The following RAI14 variants were observed in gnomAD, a reference collection of about 807,000 sequenced individuals.
The protein encoded by RAI14 is retinoic acid induced 14.
A neutral mutation model predicts 115.4 loss-of-function variants in RAI14; 45 were observed. That is an observed-to-expected ratio of 0.39 (90% CI 0.31 to 0.50). RAI14 has a LOEUF of 0.50. Ranked by LOEUF, RAI14 falls within the 20% of genes least tolerant of loss-of-function variation. The pLI is 0.85. For missense variants in RAI14, 939 were observed against 1,131.2 expected (o/e 0.83, Z 2.44); for synonymous variants, 371 against 415.4 (o/e 0.89, Z 1.30).
At chr5:34,742,026 G>C (rs1461513653) in intron 2 of RAI14, among the ~76,000 whole-genome samples, 1 of 152,158 alleles carries the variant, frequency 6.6e-6, no homozygotes, top group Non-Finnish European at 1.5e-5. Context: ...AAATTGGACT[G>C]AATAAGAGGA....
intron 1 of RAI14, among the ~76,000 whole-genome samples, chr5:34,671,150 A>AT (rs1441431398): frequency 6.6e-6 from 1 of 152,184 alleles, no homozygotes; most frequent in Non-Finnish European, 1.5e-5. Context: ...ACGTAGCCCC[A>AT]TGGGTGCACC....
Position 34,734,684 on chromosome 5 carries a change from CAG to C in RAI14, c.37-22781_37-22780del, listed in dbSNP as rs1409501488. The stretch of plus-strand genomic sequence containing the variant: ...TTTATTCTTTCTTTTTTTTTTTTGA[CAG>C]AGTCTTGCTCTGTTGCGTAGGCTGG... On this transcript the variant is annotated intron_variant, in intron 2 of 17. Coordinates refer to ENST00000265109, the MANE Select transcript of RAI14 (RefSeq NM_015577.3). 6.6e-5 allele frequency among the ~76,000 whole-genome samples: 10 copies of C among 150,600 alleles called. 1 individual carries two copies. The South Asian group carries it at 1.9e-3, about 29-fold the overall frequency.
At chr5:34,770,562 G>A (rs1268518324) in intron 3 of RAI14, among the ~76,000 whole-genome samples, 2 of 152,198 alleles carry the variant, frequency 1.3e-5, no homozygotes, top group African/African-American at 2.4e-5. Flanking sequence ...AATAAACCTG[G>A]AGAAGGAAGC....
chr5:34,788,176 C>T (rs914413963), intron 3 of RAI14, among the ~76,000 whole-genome samples: 1 of 151,988 alleles, frequency 6.6e-6, no homozygotes, highest in Non-Finnish European at 1.5e-5. Context: ...TCCTCCGCCT[C>T]CCAAAGTGCT....
At chr5:34,748,976 A>G (rs964959523) in intron 2 of RAI14, among the ~76,000 whole-genome samples, 12 of 152,314 alleles carry the variant, frequency 7.9e-5, no homozygotes, top group African/African-American at 2.4e-4. Flanking sequence ...ACATATCCGT[A>G]AGTACTGGTG....
At chr5:34,690,109 C>G (rs1738384005) in intron 2 of RAI14, among the ~76,000 whole-genome samples, 1 of 152,032 alleles carries the variant, frequency 6.6e-6, no homozygotes, top group South Asian at 2.1e-4. Flanking sequence ...CAATGTATGC[C>G]TTTGATTTTG....
At position 34,829,785 on chromosome 5, in the gene RAI14, G is replaced by A. The variant is rs1448818977; in HGVS notation, c.2853G>A (p.Leu951=). 1 of 1,611,412 alleles carries A rather than the reference G, an allele frequency of 6.2e-7. No homozygotes were observed. Among genetic ancestry groups the A allele is most frequent in the Non-Finnish European group, 8.5e-7 (1 of 1,178,390 alleles). The change falls in exon 17 of 18, where the codon CTG becomes CTA. Residue 951 remains leucine (L), a synonymous_variant. Coordinates refer to ENST00000265109, the MANE Select transcript of RAI14 (RefSeq NM_015577.3). ...TATCAGTTTACAGAATGCATCTTCT[G>A]TATGCTGTGCAGGTATGGTTATGCC... The part of the protein sequence containing the change: ...EVISVYRMHL[L]YAVQGQMDED...
chr5:34,764,164 A>G (rs1313974471), intron 3 of RAI14, among the ~76,000 whole-genome samples: 1 of 152,122 alleles, frequency 6.6e-6, no homozygotes, highest in Non-Finnish European at 1.5e-5. Flanking sequence ...ACCCTAAATT[A>G]AAACAGGAAC....
intron 17 of RAI14, 82 bp downstream of exon 17, chr5:34,829,879 A>G: frequency 1.7e-6 from 2 of 1,148,520 alleles, no homozygotes; most frequent in Non-Finnish European, 1.3e-6. Flanking sequence ...TCATTTAACT[A>G]GGAGAATGAA....
intron 2 of RAI14, among the ~76,000 whole-genome samples, chr5:34,721,297 A>G (rs1371783848): frequency 2.0e-4 from 13 of 64,374 alleles, no homozygotes; most frequent in African/African-American, 2.9e-4. Flanking sequence ...ATGTGTATAT[A>G]TATATATATA....
intron 2 of RAI14, among the ~76,000 whole-genome samples, chr5:34,755,962 G>A (rs899300297): frequency 1.3e-5 from 2 of 152,184 alleles, no homozygotes; most frequent in Non-Finnish European, 2.9e-5. Context: ...TCAAGTTCAC[G>A]CAGCCCAGAG....
chr5:34,681,764 G>A (rs191260445), intron 1 of RAI14, among the ~76,000 whole-genome samples: 1 of 151,894 alleles, frequency 6.6e-6, no homozygotes, highest in East Asian at 1.9e-4. Flanking sequence ...CTCCCAAAAT[G>A]TTGGGATTAC....
chr5:34,766,940 A>T (rs1749460148), intron 3 of RAI14, among the ~76,000 whole-genome samples: 1 of 151,950 alleles, frequency 6.6e-6, no homozygotes, highest in Non-Finnish European at 1.5e-5. Context: ...GTCTCACGAG[A>T]TCTGATGGTT....
intron 3 of RAI14, among the ~76,000 whole-genome samples, chr5:34,781,920 A>G (rs145522486): frequency 6.6e-6 from 1 of 152,354 alleles, no homozygotes; most frequent in East Asian, 1.9e-4. Context: ...AGATTTACCC[A>G]CATATTTATT....
intron 2 of RAI14, among the ~76,000 whole-genome samples, chr5:34,744,329 T>G (rs996213853): frequency 6.6e-6 from 1 of 152,228 alleles, no homozygotes; most frequent in African/African-American, 2.4e-5. Context: ...ATGAACATGT[T>G]TATAAAGCAA....
intron 2 of RAI14, among the ~76,000 whole-genome samples, chr5:34,692,430 T>C (rs1738741205): frequency 6.6e-6 from 1 of 151,004 alleles, no homozygotes; most frequent in Non-Finnish European, 1.5e-5. Flanking sequence ...AATGGGAGTA[T>C]TTAAAATCCA....
intron 2 of RAI14, among the ~76,000 whole-genome samples, chr5:34,708,640 T>TA (rs1312557200): frequency 3.9e-5 from 6 of 152,238 alleles, no homozygotes; most frequent in African/African-American, 1.4e-4. Context: ...ATTTAAAACA[T>TA]ATTCCATAGG....
At chr5:34,744,304 A>G (rs1745898741) in intron 2 of RAI14, among the ~76,000 whole-genome samples, 1 of 152,228 alleles carries the variant, frequency 6.6e-6, no homozygotes, top group Non-Finnish European at 1.5e-5. Flanking sequence ...AAAGCTTGCT[A>G]TTCACAGAGG....
rs1425650973 is a variant in RAI14 at position 34,828,635 on chromosome 5, G to A, written c.2800-1097G>A. On this transcript the variant is annotated intron_variant, in intron 16 of 17. Coordinates refer to ENST00000265109, the MANE Select transcript of RAI14 (RefSeq NM_015577.3). Reference sequence around the variant, plus strand: ...TTATGGACTTTTGTACATTTTTGAAGTAATCCATATATGATGGTCTCAATT... The same window carrying A: ...TTATGGACTTTTGTACATTTTTGAAATAATCCATATATGATGGTCTCAATT... 2.0e-5 allele frequency among the ~76,000 whole-genome samples: 3 copies of A among 152,196 alleles called. No homozygotes were observed. In the East Asian group the frequency reaches 5.8e-4, roughly 29 times the overall value.
Sources: gnomAD v4.1 joint callset for allele counts (sites outside exome capture counted in the v4.1 genomes callset) on GRCh38, gnomAD v4.1.1 for gene constraint, MANE v1.5 for transcripts, NCBI Gene and HGNC (gene_info 2026-07-23, HGNC 2026-07-21) for gene names.